DSCAM: variants seen among roughly 807,000 people sequenced by gnomAD.
DSCAM encodes DS cell adhesion molecule.
A neutral mutation model predicts 217.7 loss-of-function variants in DSCAM; 47 were observed. That is an observed-to-expected ratio of 0.22 (90% CI 0.17 to 0.28). DSCAM has a LOEUF of 0.28. Among genes scored for constraint, DSCAM ranks in the 10% least tolerant of loss-of-function variants. The pLI is 1.00. For synonymous variants in DSCAM, 1,056 were observed against 1,015.3 expected, an observed-to-expected ratio of 1.04 and a Z score of -0.76; for missense variants, 2,080 against 2,618.3, an observed-to-expected ratio of 0.79 and a Z score of 4.49.
At chr21:40,475,566 T>G (rs1256399452) in intron 3 of DSCAM, among the ~76,000 whole-genome samples, 1 of 152,336 alleles carries the variant, frequency 6.6e-6, no homozygotes, top group East Asian at 1.9e-4. Context: ...ATGGTCAGCC[T>G]GGCCGGGCGC....
chr21:40,739,042 C>A (rs529181690), intron 1 of DSCAM, among the ~76,000 whole-genome samples: 1 of 152,328 alleles, frequency 6.6e-6, no homozygotes, highest in African/African-American at 2.4e-5. Flanking sequence ...TTTTACAGAG[C>A]TGGCTGTCCT....
At chr21:40,409,970 G>T (rs2075308920) in intron 3 of DSCAM, among the ~76,000 whole-genome samples, 1 of 152,022 alleles carries the variant, frequency 6.6e-6, no homozygotes, top group African/African-American at 2.4e-5. Flanking sequence ...GTCTAAAGCA[G>T]AAATATGTAT....
chr21:40,051,183 C>T (rs576040856), intron 30 of DSCAM, among the ~76,000 whole-genome samples: 6 of 152,224 alleles, frequency 3.9e-5, no homozygotes, highest in African/African-American at 1.2e-4. Context: ...GAAAGCTAGA[C>T]GTCAAAGTTT....
rs147635320 is a variant in DSCAM, at chr21:40,340,979, A to AC, written c.1211-1565dup. ...GGGCTGTGCTGCAGCTCTTCCCTCCACCCCCTACTCCTTTCCAAATTCCTG... is the reference window on the plus strand; with the variant it reads ...GGGCTGTGCTGCAGCTCTTCCCTCCACCCCCCTACTCCTTTCCAAATTCCTG... On this transcript the variant is annotated intron_variant, in intron 6 of 32. Transcript: ENST00000400454. 6.6e-3 allele frequency among the ~76,000 whole-genome samples: 1,007 copies of AC among 151,996 alleles called. 10 individuals carry two copies. The highest frequency in any genetic ancestry group is 0.023 in the African/African-American group (933 of 41,410).
chr21:40,657,297 G>A (rs2090087028), intron 3 of DSCAM, among the ~76,000 whole-genome samples: 1 of 152,258 alleles, frequency 6.6e-6, no homozygotes, highest in East Asian at 1.9e-4. Context: ...TATCCCCAGA[G>A]GTTACTTTTG....
chr21:40,686,195 A>G (rs1053805017), intron 3 of DSCAM, among the ~76,000 whole-genome samples: 2 of 95,232 alleles, frequency 2.1e-5, no homozygotes, highest in Non-Finnish European at 4.8e-5. Flanking sequence ...CACACACCAC[A>G]TAGCACGTAC....
At chr21:40,137,822 C>T (rs112546358) in intron 18 of DSCAM, among the ~76,000 whole-genome samples, 329 of 152,132 alleles carry the variant, frequency 2.2e-3, no homozygotes, top group African/African-American at 6.8e-3. Context: ...ACAATAGGTG[C>T]GGGAATAGCT....
intron 3 of DSCAM, among the ~76,000 whole-genome samples, chr21:40,372,955 A>T (rs971363602): frequency 6.6e-6 from 1 of 152,110 alleles, no homozygotes; most frequent in Non-Finnish European, 1.5e-5. Context: ...GGATATTTCT[A>T]TGTAGGGACA....
chr21:40,265,831 T>C (rs984138671), intron 11 of DSCAM, among the ~76,000 whole-genome samples: 4 of 152,320 alleles, frequency 2.6e-5, no homozygotes, highest in East Asian at 3.9e-4. Flanking sequence ...ACTGGATTCC[T>C]ATCTCTCACC....
intron 9 of DSCAM, among the ~76,000 whole-genome samples, chr21:40,311,586 A>G (rs1178488979): frequency 6.6e-6 from 1 of 152,256 alleles, no homozygotes; most frequent in East Asian, 1.9e-4. Flanking sequence ...TTAATGCTAA[A>G]TAGAATAGAT....
At chr21:40,210,964 TGAG>T (rs1485529984) in intron 11 of DSCAM, among the ~76,000 whole-genome samples, 1 of 152,208 alleles carries the variant, frequency 6.6e-6, no homozygotes, top group Admixed American at 6.5e-5. Flanking sequence ...CACCATCAAA[TGAG>T]GAACTATTCC....
intron 9 of DSCAM, 123 bp from the exon 10 acceptor site, chr21:40,296,297 G>T: frequency 8.4e-7 from 1 of 1,195,318 alleles, no homozygotes; most frequent in Non-Finnish European, 1.1e-6. Context: ...ATACACATGG[G>T]ACAATAAAAA....
At chr21:40,146,063 C>T (rs1601382290) in intron 16 of DSCAM, among the ~76,000 whole-genome samples, 1 of 152,064 alleles carries the variant, frequency 6.6e-6, no homozygotes, top group African/African-American at 2.4e-5. Flanking sequence ...ATCTGGATCT[C>T]TCAAGCCTCT....
chr21:40,200,015 TC>T (rs1420298696), intron 11 of DSCAM, among the ~76,000 whole-genome samples: 1 of 115,522 alleles, frequency 8.7e-6, no homozygotes, highest in Non-Finnish European at 1.7e-5. Flanking sequence ...TCCTCAGGAT[TC>T]TTTTTTTTTT....
chr21:40,219,781 G>A (rs1479270484), intron 11 of DSCAM, among the ~76,000 whole-genome samples: 1 of 152,060 alleles, frequency 6.6e-6, no homozygotes, highest in Non-Finnish European at 1.5e-5. Context: ...TAACCAACAA[G>A]TGAAGTTAAA....
Position 40,554,177 on chromosome 21 carries a change from C to T in DSCAM, c.508+138633G>A, listed in dbSNP as rs981417178. Among the ~76,000 whole-genome samples, 3 of 150,660 alleles carry T rather than the reference C, an allele frequency of 2.0e-5. No individual in the cohort carries two copies. The East Asian group carries it at 5.8e-4, about 29-fold the overall frequency. On this transcript the variant is annotated intron_variant, in intron 3 of 32. Coordinates refer to ENST00000400454, the MANE Select transcript of DSCAM (RefSeq NM_001389.5). Reference sequence around the variant, plus strand: ...TACAGGCATGCATCACCATGCCTGGCTGTTTGTTTTGATTGTTAGTTTTTT... The same window carrying T: ...TACAGGCATGCATCACCATGCCTGGTTGTTTGTTTTGATTGTTAGTTTTTT...
At chr21:40,838,791 T>C (rs1276888035) in intron 1 of DSCAM, among the ~76,000 whole-genome samples, 1 of 152,198 alleles carries the variant, frequency 6.6e-6, no homozygotes, top group African/African-American at 2.4e-5. Flanking sequence ...TATAGATGGT[T>C]CTTTATAAGA....
At chr21:40,136,975 C>T (rs540942148) in intron 18 of DSCAM, among the ~76,000 whole-genome samples, 3 of 152,016 alleles carry the variant, frequency 2.0e-5, no homozygotes, top group Non-Finnish European at 2.9e-5. Context: ...GACATCGAGA[C>T]CATCCTGGCT....
intron 3 of DSCAM, among the ~76,000 whole-genome samples, chr21:40,428,418 G>A (rs2075497914): frequency 1.3e-5 from 2 of 151,964 alleles, no homozygotes; most frequent in Non-Finnish European, 2.9e-5. Context: ...TTACAGGCAT[G>A]CACCACCATG....
Sources: gnomAD v4.1 joint callset for allele counts (sites outside exome capture counted in the v4.1 genomes callset) on GRCh38, gnomAD v4.1.1 for gene constraint, MANE v1.5 for transcripts, NCBI Gene and HGNC (gene_info 2026-07-23, HGNC 2026-07-21) for gene names.